The following MMADHC variants were observed in gnomAD, a reference collection of about 807,000 sequenced individuals.
MMADHC encodes the protein metabolism of cobalamin associated D.
A neutral mutation model predicts 36.3 loss-of-function variants in MMADHC; 23 were observed. That is an observed-to-expected ratio of 0.63 (90% CI 0.46 to 0.90). The LOEUF (loss-of-function observed/expected upper bound fraction) is 0.90. Ranked by LOEUF, MMADHC falls within the 40% of genes least tolerant of loss-of-function variation. MMADHC has a pLI of 0.00. For synonymous variants in MMADHC, 97 were observed against 116.1 expected, an observed-to-expected ratio of 0.84 and a Z score of 1.06; for missense variants, 330 against 348.0, an observed-to-expected ratio of 0.95 and a Z score of 0.41.
chr2:149,579,886 A>G (rs1264482020), intron 3 of MMADHC, among the ~76,000 whole-genome samples: 1 of 152,226 alleles, frequency 6.6e-6, no homozygotes, highest in Non-Finnish European at 1.5e-5. Flanking sequence ...ACTCTAATCC[A>G]TACTAAGAAA....
In MMADHC at chr2:149,575,789, A is replaced by G. The variant is rs369822209; in HGVS notation, c.531T>C (p.Thr177=). The G allele has an allele frequency of 1.2e-6, 2 of 1,608,620 alleles. No individual in the cohort carries two copies. Among genetic ancestry groups the G allele is most frequent in the Non-Finnish European group, 1.7e-6 (2 of 1,175,882 alleles). Residue 177 remains threonine (T), a synonymous_variant, in exon 6 of 8, where the codon ACT becomes ACC. Transcript: ENST00000303319. ...TATCATTCTTAGTTTTTTGTGTTACAGTCAGAATCATTAGTTTGCCATTAG... is the reference window on the plus strand; with the variant it reads ...TATCATTCTTAGTTTTTTGTGTTACGGTCAGAATCATTAGTTTGCCATTAG... ...EVANGKLMIL[T]VTQKTKNDMT...
chr2:149,572,162 A>T lies in MMADHC; in HGVS notation c.610-991T>A, dbSNP rs1242859899. ...TAGTGAAAAGACAGTAACAAATATTAAGACCAGATTACAATGTTGAAATAA... is the reference window on the plus strand; with the variant it reads ...TAGTGAAAAGACAGTAACAAATATTTAGACCAGATTACAATGTTGAAATAA... On this transcript the variant is annotated intron_variant, in intron 6 of 7. Coordinates refer to ENST00000303319, the MANE Select transcript of MMADHC (RefSeq NM_015702.3). 1.3e-5 allele frequency: 5 copies of T among 396,050 alleles called. No individual in the cohort carries two copies. The Admixed American group carries it at 1.7e-4, about 14-fold the overall frequency. The allele number at this position is 396,050 out of a possible 1,614,324, so 24.5% of individuals were successfully genotyped here. A position where few individuals can be genotyped will look rare whatever the true frequency, so the allele number is the denominator to read the frequency against.
chr2:149,570,293 G>C, intron 7 of MMADHC, 125 bp from the exon 8 acceptor site: 1 of 834,868 alleles, frequency 1.2e-6, no homozygotes, highest in South Asian at 1.6e-5. Context: ...TAAGTAAAAA[G>C]TCACATGCAA....
chr2:149,585,127 T>C lies in MMADHC; in HGVS notation c.9+1962A>G, dbSNP rs560476902. ...TGGAAGTGGAATATTTTCTGACAACTTGACAGATTTTATGACTGGTTCAGC... is the reference window on the plus strand; with the variant it reads ...TGGAAGTGGAATATTTTCTGACAACCTGACAGATTTTATGACTGGTTCAGC... On this transcript the variant is annotated intron_variant, in intron 2 of 7. Transcript: ENST00000303319. 4.0e-4 allele frequency among the ~76,000 whole-genome samples: 61 copies of C among 151,696 alleles called. 1 individual carries two copies. The highest frequency in any genetic ancestry group is 3.5e-4 in the Non-Finnish European group (24 of 67,936).
chr2:149,571,410 ATTCT>A (rs957340964), intron 6 of MMADHC, among the ~76,000 whole-genome samples: 55 of 152,300 alleles, frequency 3.6e-4, no homozygotes, highest in African/African-American at 1.2e-3. Context: ...TTTCTTCTGA[ATTCT>A]TTCTTTCTTT....
chr2:149,583,691 T>C (rs967225827), intron 2 of MMADHC, among the ~76,000 whole-genome samples: 4 of 152,210 alleles, frequency 2.6e-5, no homozygotes, highest in African/African-American at 9.7e-5. Flanking sequence ...TTCTATTTCC[T>C]TTTCACAAAG....
At chr2:149,584,474 G>C (rs963234805) in intron 2 of MMADHC, among the ~76,000 whole-genome samples, 16 of 152,098 alleles carry the variant, frequency 1.1e-4, no homozygotes, top group Admixed American at 1.0e-3. Flanking sequence ...AAAACAGAAG[G>C]AGGAGGAAGA....
At chr2:149,587,039 C>T in intron 2 of MMADHC, 50 bp downstream of exon 2, 1 of 1,581,594 alleles carries the variant, frequency 6.3e-7, no homozygotes, top group South Asian at 1.1e-5. Context: ...TCATTCCTAA[C>T]ATTCCCAAAC....
chr2:149,586,258 C>G (rs146103403), intron 2 of MMADHC, among the ~76,000 whole-genome samples: 1 of 152,208 alleles, frequency 6.6e-6, no homozygotes, highest in Non-Finnish European at 1.5e-5. Context: ...CTCTCATTTA[C>G]TTGGTACCAA....
At chr2:149,577,569 C>A (rs1682735011) in intron 4 of MMADHC, among the ~76,000 whole-genome samples, 2 of 152,062 alleles carry the variant, frequency 1.3e-5, no homozygotes, top group South Asian at 4.1e-4. Context: ...GTAATCCCTG[C>A]TCGTTGGGAG....
chr2:149,570,147 T>G lies in MMADHC; in HGVS notation c.718A>C (p.Asn240His). The change falls in exon 8 of 8, where the codon AAC (asparagine) becomes CAC (histidine). Residue 240 changes from asparagine (N) to histidine (H), a missense_variant. Asn to His is a moderately conservative substitution (Grantham distance 68). Transcript: ENST00000303319. The stretch of plus-strand genomic sequence containing the variant: ...CGTTCATCAGTTTCAAAAAGAGTGT[T>G]GTTTGTATATGGTCCAAAAAACTGA... ...GLAFFGPYTN[N>H]TLFETDERYR... 1 of 1,613,766 alleles carries G rather than the reference T, an allele frequency of 6.2e-7. No individual in the cohort carries two copies. Among genetic ancestry groups the G allele is most frequent in the Non-Finnish European group, 8.5e-7 (1 of 1,179,770 alleles).
rs753436795 is a variant in MMADHC at position 149,579,698 on chromosome 2, T to C, written c.155-50A>G. On this transcript the variant is annotated intron_variant, in intron 3 of 7. Transcript: ENST00000303319. ...AGTTTCTCCTTAATAGTCAAGTATA[T>C]TGGTAGACTGAAAGAATGCTCTTCT... The C allele has an allele frequency of 7.8e-6, 11 of 1,416,576 alleles. No individual in the cohort carries two copies. The African/African-American group carries it at 1.3e-4, about 16-fold the overall frequency. 87.8% of individuals were successfully genotyped at this position (1,416,576 alleles called of 1,614,324 possible). A position where few individuals can be genotyped will look rare whatever the true frequency, so the allele number is the denominator to read the frequency against.
Position 149,579,440 on chromosome 2 carries a change from A to T in MMADHC, c.363T>A (p.Asn121Lys), listed in dbSNP as rs1161677408. The T allele has an allele frequency of 6.2e-7, 1 of 1,610,996 alleles. No homozygotes were observed. The change falls in exon 4 of 8, where the codon AAT becomes AAA. Residue 121 changes from asparagine to lysine, a missense_variant. By Grantham distance (94) the Asn-to-Lys change is moderately conservative. Transcript: ENST00000303319. ...RHEFVMAQYV[N>K]EFQGNDAPVE... Reference sequence around the variant, plus strand: ...GTTACCAACAATTTACCTGAAATTCATTCACATATTGTGCCATCACAAACT... The same window carrying T: ...GTTACCAACAATTTACCTGAAATTCTTTCACATATTGTGCCATCACAAACT...
At chr2:149,576,329 G>A (rs1466011161) in intron 5 of MMADHC, 108 bp downstream of exon 5, 41 of 803,070 alleles carry the variant, frequency 5.1e-5, no homozygotes, top group Non-Finnish European at 8.0e-5. Context: ...AGCCAGATAC[G>A]GTAAAATATA....
At chr2:149,584,855 G>A (rs189426828) in intron 2 of MMADHC, among the ~76,000 whole-genome samples, 1 of 151,992 alleles carries the variant, frequency 6.6e-6, no homozygotes, top group East Asian at 1.9e-4. Flanking sequence ...GGCCAACATG[G>A]TGAAACCCCG....
intron 2 of MMADHC, chr2:149,586,833 T>G (rs1445818339): frequency 1.4e-5 from 7 of 490,052 alleles, no homozygotes; most frequent in Non-Finnish European, 2.5e-5. Context: ...ACGCTGTATT[T>G]AAAAAATACC....
chr2:149,580,057 C>T (rs1288444008), intron 3 of MMADHC, among the ~76,000 whole-genome samples: 3 of 152,118 alleles, frequency 2.0e-5, no homozygotes, highest in South Asian at 2.1e-4. Context: ...GTTTTTGAGA[C>T]GGGTCTCTTG....
At chr2:149,572,380 G>C in intron 6 of MMADHC, 1 of 290,712 alleles carries the variant, frequency 3.4e-6, no homozygotes, top group Non-Finnish European at 6.7e-6. Context: ...GGCCATAACA[G>C]AGTTAACAGG....
At chr2:149,573,133 T>C (rs983645028) in intron 6 of MMADHC, among the ~76,000 whole-genome samples, 1 of 152,174 alleles carries the variant, frequency 6.6e-6, no homozygotes, top group Non-Finnish European at 1.5e-5. Context: ...GGGAGCTCCT[T>C]GTTTTGAACT....
Sources: allele counts gnomAD v4.1 joint callset (sites outside exome capture counted in the v4.1 genomes callset), GRCh38; gene constraint gnomAD v4.1.1; transcripts MANE v1.5; gene names NCBI Gene and HGNC (gene_info 2026-07-23, HGNC 2026-07-21).